NOX4: variants seen among roughly 807,000 people sequenced by gnomAD.
NOX4 encodes NADPH oxidase 4.
In NOX4, 69 loss-of-function variants were observed where a neutral mutation model predicts 87.6. That is an observed-to-expected ratio of 0.79 (90% CI 0.65 to 0.96). The LOEUF (loss-of-function observed/expected upper bound fraction) is 0.96. NOX4 is among the 40% of genes least tolerant of loss of function. The pLI, the probability that NOX4 is intolerant of heterozygous loss-of-function variation, is 0.00. For missense variants in NOX4, 680 were observed against 681.5 expected (o/e 1.00, Z 0.02); for synonymous variants, 275 against 238.2 (o/e 1.15, Z -1.42).
chr11:89,463,125 ATT>A (rs34154254), intron 2 of NOX4, among the ~76,000 whole-genome samples: 1 of 151,970 alleles, frequency 6.6e-6, no homozygotes, highest in Non-Finnish European at 1.5e-5. Context: ...GATTCTGTCC[ATT>A]TAATAAAAAC....
At chr11:89,530,083 C>A in the NOX4 span, among the ~76,000 whole-genome samples, 1 of 151,856 alleles carries the variant, frequency 6.6e-6, no homozygotes, top group Non-Finnish European at 1.5e-5. Context: ...AATTATACTA[C>A]AATATTACAA....
chr11:89,385,557 C>T (rs1424027930), intron 11 of NOX4, among the ~76,000 whole-genome samples: 2 of 152,182 alleles, frequency 1.3e-5, no homozygotes, highest in Non-Finnish European at 2.9e-5. Flanking sequence ...TTCATAACGT[C>T]TTTCATGTAG....
At chr11:89,436,708 T>C (rs1377470414) in intron 6 of NOX4, among the ~76,000 whole-genome samples, 3 of 152,130 alleles carry the variant, frequency 2.0e-5, no homozygotes, top group African/African-American at 7.2e-5. Context: ...GGAAACATAA[T>C]TATATTTGTT....
intron 11 of NOX4, among the ~76,000 whole-genome samples, chr11:89,392,561 C>G (rs1329679142): frequency 6.6e-6 from 1 of 152,130 alleles, no homozygotes; most frequent in Admixed American, 6.6e-5. Flanking sequence ...AAAGAACAAA[C>G]CTTTCATTTA....
chr11:89,347,780 T>C (rs1249138863), intron 13 of NOX4, among the ~76,000 whole-genome samples: 3 of 152,186 alleles, frequency 2.0e-5, no homozygotes, highest in Non-Finnish European at 4.4e-5. Flanking sequence ...CATATTACTA[T>C]TACCACAGTA....
the NOX4 span, among the ~76,000 whole-genome samples, chr11:89,566,136 G>A: frequency 2.7e-5 from 4 of 150,940 alleles, no homozygotes; most frequent in South Asian, 4.2e-4. Flanking sequence ...TCTGCCTACC[G>A]GGTTCACGCC....
chr11:89,349,205 T>G (rs1052284982), intron 13 of NOX4, among the ~76,000 whole-genome samples: 1 of 151,910 alleles, frequency 6.6e-6, no homozygotes. Context: ...AAGAATTGCT[T>G]GAACCCGGGA....
rs186898183 is a variant in NOX4, at chr11:89,415,948, A to G, written c.629+5954T>C. On this transcript the variant is annotated intron_variant, in intron 8 of 17. Coordinates refer to ENST00000263317, the MANE Select transcript of NOX4 (RefSeq NM_016931.5). ...GTGAGACAAAGCTAGGCAAACCTAC[A>G]GTGTGTATTATTTGAAGGTTCTGTT... is the stretch of plus-strand genomic sequence containing the variant. Among the ~76,000 whole-genome samples, 58 of 152,268 alleles carry G rather than the reference A, an allele frequency of 3.8e-4. No individual in the cohort carries two copies. In the East Asian group the frequency reaches 0.01, roughly 27 times the overall value.
chr11:89,555,327 C>G, the NOX4 span, among the ~76,000 whole-genome samples: 1 of 152,078 alleles, frequency 6.6e-6, no homozygotes, highest in Admixed American at 6.6e-5. Context: ...TCCACACACA[C>G]ACACAAAAAT....
chr11:89,411,327 C>G (rs116771465), intron 8 of NOX4, among the ~76,000 whole-genome samples: 1,891 of 152,194 alleles, frequency 0.012, 37 homozygotes, highest in African/African-American at 0.042. Flanking sequence ...GAGAGGGACT[C>G]CTTCTGCGTA....
intron 5 of NOX4, chr11:89,443,864 T>C: frequency 3.0e-6 from 1 of 329,296 alleles, no homozygotes; most frequent in Non-Finnish European, 5.6e-6. Context: ...CAAAAGCTGC[T>C]GGGAGTCAGA....
intron 6 of NOX4, among the ~76,000 whole-genome samples, chr11:89,439,520 A>T (rs558715214): frequency 6.6e-6 from 1 of 152,288 alleles, no homozygotes; most frequent in South Asian, 2.1e-4. Flanking sequence ...TCATCATAAA[A>T]TTGATTCAAA....
At chr11:89,413,770 A>G (rs1942614550) in intron 8 of NOX4, among the ~76,000 whole-genome samples, 1 of 152,138 alleles carries the variant, frequency 6.6e-6, no homozygotes, top group African/African-American at 2.4e-5. Flanking sequence ...TAATGAAAAC[A>G]GTACAATTTG....
intron 8 of NOX4, among the ~76,000 whole-genome samples, chr11:89,409,072 G>A (rs1198019353): frequency 6.6e-6 from 1 of 151,466 alleles, no homozygotes. Context: ...GGTATAAAAA[G>A]GGAAGAGCTT....
chr11:89,572,796 T>G, the NOX4 span, among the ~76,000 whole-genome samples: 1 of 152,302 alleles, frequency 6.6e-6, no homozygotes, highest in Non-Finnish European at 1.5e-5. Flanking sequence ...TAGTGTAAAA[T>G]CGAGTTTCGT....
intron 7 of NOX4, 117 bp downstream of exon 7, chr11:89,432,667 C>T (rs958280851): frequency 7.4e-5 from 51 of 686,104 alleles, no homozygotes; most frequent in Non-Finnish European, 1.2e-4. Flanking sequence ...TTCACTCTTA[C>T]TTACCCAGAA....
intron 12 of NOX4, among the ~76,000 whole-genome samples, chr11:89,358,720 G>A (rs1220165532): frequency 6.6e-6 from 1 of 150,854 alleles, no homozygotes; most frequent in South Asian, 2.1e-4. Context: ...ATTTGATTAT[G>A]AGGAAAAGGC....
At chr11:89,370,115 C>T (rs891261243) in intron 12 of NOX4, among the ~76,000 whole-genome samples, 1 of 151,858 alleles carries the variant, frequency 6.6e-6, no homozygotes, top group African/African-American at 2.4e-5. Context: ...TGTGAGAAGT[C>T]AATATATTAT....
rs17195681 is a variant in NOX4, at chr11:89,466,822, T to C, written c.154-14927A>G. On this transcript the variant is annotated intron_variant, in intron 2 of 17. Coordinates refer to ENST00000263317, the MANE Select transcript of NOX4 (RefSeq NM_016931.5). ...AGCCTTCCTTGATTAATGAAAAGTA[T>C]AAAGGAAACTGAGATCTGAAGAATA... 6.3e-3 allele frequency among the ~76,000 whole-genome samples: 951 copies of C among 152,000 alleles called. 5 individuals are homozygous for C. The highest frequency in any genetic ancestry group is 0.01 in the Non-Finnish European group (700 of 67,964).
Sources: allele counts gnomAD v4.1 joint callset (sites outside exome capture counted in the v4.1 genomes callset), GRCh38; gene constraint gnomAD v4.1.1; transcripts MANE v1.5; gene names NCBI Gene and HGNC (gene_info 2026-07-23, HGNC 2026-07-21).